The following CDH4 variants were observed in gnomAD, a reference collection of about 807,000 sequenced individuals.
CDH4 encodes cadherin-4.
CDH4 carries 33 observed loss-of-function variants against 86.0 expected under a neutral mutation model. That is an observed-to-expected ratio of 0.38 (90% CI 0.29 to 0.51). The LOEUF (loss-of-function observed/expected upper bound fraction) is 0.51. Ranked by LOEUF, CDH4 falls within the 20% of genes least tolerant of loss-of-function variation. The probability of loss-of-function intolerance (pLI) is 0.86; values close to 1 mark genes in which losing one functional copy is unlikely to be tolerated. For synonymous variants in CDH4, 555 were observed against 549.4 expected (o/e 1.01, Z -0.14); for missense variants, 1,114 against 1,307.4 (o/e 0.85, Z 2.28).
Position 61,696,086 on chromosome 20 carries a change from C to T in CDH4, c.170-47477C>T, listed in dbSNP as rs77409797. Among the ~76,000 whole-genome samples the T allele has an allele frequency of 4.3e-3, 653 of 152,326 alleles. 8 individuals carry two copies. Among genetic ancestry groups the T allele is most frequent in the African/African-American group, 0.015 (609 of 41,576 alleles). ...CGTTTCCTGAGCCCCTCTTGCAAGC[C>T]TCACATCCATGTCAGCACAGAGACA... On this transcript the variant is annotated intron_variant, in intron 2 of 15. Transcript: ENST00000614565.
At chr20:61,555,121 G>T (rs1285355889) in intron 2 of CDH4, among the ~76,000 whole-genome samples, 1 of 152,206 alleles carries the variant, frequency 6.6e-6, no homozygotes, top group Non-Finnish European at 1.5e-5. Context: ...GTGTGTGTGT[G>T]TATGTGAACA....
At position 61,917,909 on chromosome 20, in the gene CDH4, G is replaced by A. The variant is rs985281431; in HGVS notation, c.1375-5542G>A. On this transcript the variant is annotated intron_variant, in intron 9 of 15. Transcript: ENST00000614565. ...GCCTCCTTGCTCAGGCTGGTGACAC[G>A]ATTTTTTAACGCATGACATGCAGCA... 5.3e-5 allele frequency among the ~76,000 whole-genome samples: 8 copies of A among 152,370 alleles called. No individual in the cohort carries two copies. In the South Asian group the frequency reaches 1.2e-3, roughly 24 times the overall value.
At chr20:61,791,660 CAG>C (rs1165842649) in intron 4 of CDH4, among the ~76,000 whole-genome samples, 5 of 152,102 alleles carry the variant, frequency 3.3e-5, no homozygotes, top group Non-Finnish European at 7.4e-5. Context: ...GAGTGGAGCA[CAG>C]GGATGGGATG....
intron 2 of CDH4, among the ~76,000 whole-genome samples, chr20:61,647,548 T>TCTCTCTCTCTCTCTCTCTCTCTCC (rs1555818888): frequency 9.2e-6 from 1 of 108,482 alleles, no homozygotes. Context: ...TCCCTCTCCC[T>TCTCTCTCTCTCTCTCTCTCTCTCC]CTCCCTCTCC....
chr20:61,585,742 GGATGATGGTGATGAAGATGAT>G (rs2086464871), intron 2 of CDH4, among the ~76,000 whole-genome samples: 2 of 29,056 alleles, frequency 6.9e-5, no homozygotes, highest in South Asian at 1.9e-3. Context: ...GTGATGGGGA[GGATGATGGTGATGAAGATGAT>G]GATGATGGTG....
At chr20:61,331,618 GGCCCACCTCCTGCCCC>G (rs2084575432) in intron 2 of CDH4, among the ~76,000 whole-genome samples, 2 of 99,156 alleles carry the variant, frequency 2.0e-5, no homozygotes, top group African/African-American at 4.3e-5. Flanking sequence ...ACCTGCCCCA[GGCCCACCTCCTGCCCC>G]AGACCCACCT....
Position 61,512,309 on chromosome 20 carries a change from A to C in CDH4, c.170-231254A>C, listed in dbSNP as rs183588369. 2.0e-3 allele frequency among the ~76,000 whole-genome samples: 299 copies of C among 152,250 alleles called. 1 individual carries two copies. The highest frequency in any genetic ancestry group is 6.8e-3 in the African/African-American group (282 of 41,552). ...TGTATGTGAGTGTGGCCCTCAAAGA[A>C]AAGACCTCGAGAGTTCTTATAGCCA... On this transcript the variant is annotated intron_variant, in intron 2 of 15. Transcript: ENST00000614565.
intron 2 of CDH4, among the ~76,000 whole-genome samples, chr20:61,262,005 G>A (rs2084130088): frequency 6.6e-6 from 1 of 152,216 alleles, no homozygotes; most frequent in South Asian, 2.1e-4. Context: ...TGCCAGCGCT[G>A]GGGAAGCCGG....
At chr20:61,774,687 TC>T (rs34007901) in intron 4 of CDH4, among the ~76,000 whole-genome samples, 79,403 of 151,760 alleles carry the variant, frequency 0.52, 20,977 homozygotes, top group East Asian at 0.71. Context: ...GCCCCACCCC[TC>T]CCACAGGCCC....
chr20:61,532,034 C>G (rs925885540), intron 2 of CDH4, among the ~76,000 whole-genome samples: 2 of 152,210 alleles, frequency 1.3e-5, no homozygotes, highest in African/African-American at 4.8e-5. Flanking sequence ...ATAGAAGTGG[C>G]GCCTGTTGCC....
chr20:61,717,689 G>A (rs1417746984), intron 2 of CDH4: 1 of 152,198 alleles, frequency 6.6e-6, no homozygotes, highest in Non-Finnish European at 1.5e-5. Flanking sequence ...TTTTCACCAT[G>A]TTGGTCAGGC....
intron 2 of CDH4, among the ~76,000 whole-genome samples, chr20:61,697,482 C>T (rs2087726902): frequency 6.6e-6 from 1 of 152,156 alleles, no homozygotes; most frequent in Non-Finnish European, 1.5e-5. Flanking sequence ...CTTGTAATGC[C>T]AGCTACTCGG....
chr20:61,254,899 T>C lies in CDH4; in HGVS notation c.131T>C (p.Ile44Thr). ...GFSEDDYTAL[I>T]SQNILEGEKL... Reference sequence around the variant, plus strand: ...TCTGAAGATGATTACACGGCATTAATCTCCCAAAATATTCTAGAAGGGGAA... The same window carrying C: ...TCTGAAGATGATTACACGGCATTAACCTCCCAAAATATTCTAGAAGGGGAA... The change falls in exon 2 of 16, where the codon ATC becomes ACC. Residue 44 changes from isoleucine to threonine, a missense_variant. Around this residue, in one of 3 missense-constraint regions of CDH4, gnomAD observed 221 missense variants for 209.5 expected, o/e 1.05. Transcript: ENST00000614565. The C allele has an allele frequency of 6.2e-7, 1 of 1,612,844 alleles. No homozygotes were observed. Among genetic ancestry groups the C allele is most frequent in the South Asian group, 1.1e-5 (1 of 91,038 alleles).
chr20:61,388,879 A>G (rs1420584201), intron 2 of CDH4, among the ~76,000 whole-genome samples: 2 of 152,254 alleles, frequency 1.3e-5, no homozygotes, highest in Non-Finnish European at 2.9e-5. Flanking sequence ...ATAATATACT[A>G]TATTTAAGCC....
intron 2 of CDH4, among the ~76,000 whole-genome samples, chr20:61,324,165 T>C (rs755246937): frequency 6.6e-6 from 1 of 152,002 alleles, no homozygotes; most frequent in Non-Finnish European, 1.5e-5. Context: ...GGGTATGAAG[T>C]GTGTGCCTGG....
rs200291168 is a variant in CDH4 at position 61,387,603 on chromosome 20, AACAC to A, written c.169+132672_169+132675del. ...AGACACACGCACATTTGGCCACACA[AACAC>A]ACACAGACAAAAAGATACACACAGA... On this transcript the variant is annotated intron_variant, in intron 2 of 15. Coordinates refer to ENST00000614565, the MANE Select transcript of CDH4 (RefSeq NM_001794.5). Among the ~76,000 whole-genome samples, 1,321 of 152,198 alleles carry A rather than the reference AACAC, an allele frequency of 8.7e-3. 17 individuals carry two copies. The highest frequency in any genetic ancestry group is 0.029 in the African/African-American group (1,225 of 41,532).
rs1461259706 is a variant in CDH4 at position 61,936,885 on chromosome 20, A to G, written c.2693A>G (p.Asp898Gly). The G allele has an allele frequency of 1.2e-6, 2 of 1,603,448 alleles. No homozygotes were observed. The highest frequency in any genetic ancestry group is 8.5e-7 in the Non-Finnish European group (1 of 1,175,232). Residue 898 changes from aspartate (D) to glycine (G), a missense_variant, in exon 16 of 16, where the codon GAC becomes GGC. Physicochemically the swap from Asp to Gly is moderately conservative, Grantham distance 94 (BLOSUM62 -1). Around this residue, in one of 3 missense-constraint regions of CDH4, gnomAD observed 188 missense variants for 183.8 expected, o/e 1.02. Transcript: ENST00000614565. ...SGDQDYDYLNDWGPRFKKLAD... is the reference protein window; with the variant it reads ...SGDQDYDYLNGWGPRFKKLAD... ...GACCAAGACTACGATTACCTCAACGACTGGGGGCCCAGATTCAAGAAGCTG... is the reference window on the plus strand; with the variant it reads ...GACCAAGACTACGATTACCTCAACGGCTGGGGGCCCAGATTCAAGAAGCTG...
intron 2 of CDH4, among the ~76,000 whole-genome samples, chr20:61,434,377 GC>G (rs1358231107): frequency 6.6e-6 from 1 of 152,208 alleles, no homozygotes; most frequent in Non-Finnish European, 1.5e-5. Context: ...GCAACTCTAA[GC>G]CCCGAGTTAA....
rs149436530 is a variant in CDH4, at chr20:61,763,273, C to A, written c.397-9730C>A. ...GGGATGCTCGCTCTTCCTCACTGAA[C>A]TTGGCAGGAGCATCAGATGGCCCCC... On this transcript the variant is annotated intron_variant, in intron 3 of 15. Transcript: ENST00000614565. Among the ~76,000 whole-genome samples the A allele has an allele frequency of 9.9e-3, 1,461 of 148,224 alleles. 34 individuals are homozygous for A. The highest frequency in any genetic ancestry group is 0.057 in the South Asian group (269 of 4,734).
Sources: gnomAD v4.1 joint callset for allele counts (sites outside exome capture counted in the v4.1 genomes callset) on GRCh38, gnomAD v4.1.1 for gene constraint, gnomAD v4.1.1 regional missense constraint, MANE v1.5 for transcripts, NCBI Gene and HGNC (gene_info 2026-07-23, HGNC 2026-07-21) for gene names.